Variants in PRKCE observed in about 807,000 individuals in gnomAD.
The protein encoded by PRKCE is protein kinase C epsilon type.
In PRKCE, 16 loss-of-function variants were observed where a neutral mutation model predicts 85.4. That is an observed-to-expected ratio of 0.19 (90% CI 0.13 to 0.28). The LOEUF (loss-of-function observed/expected upper bound fraction) is 0.28, where lower values mean the gene tolerates loss of function less well. Among genes scored for constraint, PRKCE ranks in the 10% least tolerant of loss-of-function variants. The pLI is 1.00. For synonymous variants in PRKCE, 388 were observed against 371.5 expected, an observed-to-expected ratio of 1.04 and a Z score of -0.51; for missense variants, 573 against 975.2, an observed-to-expected ratio of 0.59 and a Z score of 5.49.
intron 5 of PRKCE, among the ~76,000 whole-genome samples, chr2:45,981,386 G>C (rs1702878926): frequency 6.6e-6 from 1 of 152,186 alleles, no homozygotes; most frequent in Admixed American, 6.5e-5. Flanking sequence ...ACTTCCAAGA[G>C]GACTGACTTA....
At chr2:46,178,432 T>A (rs1176482057) in intron 14 of PRKCE, among the ~76,000 whole-genome samples, 1 of 152,338 alleles carries the variant, frequency 6.6e-6, no homozygotes, top group East Asian at 1.9e-4. Context: ...CAGATGATTA[T>A]GTTTAGAGAA....
At chr2:45,965,102 G>T (rs752061027) in intron 2 of PRKCE, among the ~76,000 whole-genome samples, 2 of 152,196 alleles carry the variant, frequency 1.3e-5, no homozygotes, top group Non-Finnish European at 2.9e-5. Context: ...AGACGTTTCT[G>T]ATTCTTATTG....
chr2:45,715,892 T>C (rs1244416412), intron 1 of PRKCE, among the ~76,000 whole-genome samples: 1 of 152,172 alleles, frequency 6.6e-6, no homozygotes, highest in African/African-American at 2.4e-5. Flanking sequence ...TTCCCTTTTC[T>C]GCACTCCCCC....
chr2:46,082,378 GGAGA>G (rs1027222766), intron 10 of PRKCE, among the ~76,000 whole-genome samples: 9 of 152,158 alleles, frequency 5.9e-5, no homozygotes, highest in African/African-American at 1.7e-4. Context: ...GAGGGCTGAG[GGAGA>G]GAGAGGTATT....
At chr2:45,890,162 A>G (rs1695615262) in intron 2 of PRKCE, among the ~76,000 whole-genome samples, 1 of 152,166 alleles carries the variant, frequency 6.6e-6, no homozygotes, top group Non-Finnish European at 1.5e-5. Flanking sequence ...TTATGATTTA[A>G]TCTTTTCAAG....
chr2:45,838,763 C>CCT (rs1211859596), intron 1 of PRKCE, among the ~76,000 whole-genome samples: 1 of 152,166 alleles, frequency 6.6e-6, no homozygotes, highest in Non-Finnish European at 1.5e-5. Flanking sequence ...CAGCTGCCTG[C>CCT]CACCACACCT....
chr2:45,885,731 C>G (rs2105842440), intron 2 of PRKCE, among the ~76,000 whole-genome samples: 1 of 152,180 alleles, frequency 6.6e-6, no homozygotes, highest in South Asian at 2.1e-4. Flanking sequence ...TAGGGCAACT[C>G]CTATGATTTC....
At chr2:45,982,861 A>T (rs1309019823) in intron 5 of PRKCE, among the ~76,000 whole-genome samples, 2 of 152,194 alleles carry the variant, frequency 1.3e-5, no homozygotes, top group East Asian at 3.9e-4. Flanking sequence ...CAACGTCCCC[A>T]CTTTTTCGCC....
At chr2:45,951,385 C>T (rs1157517497) in intron 2 of PRKCE, among the ~76,000 whole-genome samples, 1 of 152,222 alleles carries the variant, frequency 6.6e-6, no homozygotes, top group East Asian at 1.9e-4. Flanking sequence ...GTAGGTCCCT[C>T]TGTCTTGCAA....
chr2:45,853,242 T>C (rs555394678), intron 2 of PRKCE, among the ~76,000 whole-genome samples: 1 of 152,266 alleles, frequency 6.6e-6, no homozygotes, highest in Non-Finnish European at 1.5e-5. Context: ...GGCCTTGGTT[T>C]TTTCATTCTG....
At chr2:45,689,059 G>A (rs1443805801) in intron 1 of PRKCE, among the ~76,000 whole-genome samples, 1 of 152,192 alleles carries the variant, frequency 6.6e-6, no homozygotes, top group Non-Finnish European at 1.5e-5. Context: ...GCTGTGGGGC[G>A]TGCTTTGTTT....
intron 10 of PRKCE, among the ~76,000 whole-genome samples, chr2:46,037,956 A>G (rs1432591738): frequency 6.6e-6 from 1 of 152,206 alleles, no homozygotes; most frequent in Admixed American, 6.5e-5. Flanking sequence ...TAAAAAATAA[A>G]TGAGGATAAG....
At chr2:45,805,512 A>G (rs573996251) in intron 1 of PRKCE, among the ~76,000 whole-genome samples, 2 of 152,180 alleles carry the variant, frequency 1.3e-5, no homozygotes, top group East Asian at 3.9e-4. Flanking sequence ...TGGGTCCTAC[A>G]GTGCACACCC....
intron 2 of PRKCE, among the ~76,000 whole-genome samples, chr2:45,894,935 C>T (rs1696020929): frequency 6.6e-6 from 1 of 152,162 alleles, no homozygotes; most frequent in African/African-American, 2.4e-5. Flanking sequence ...GTTGGCCAGG[C>T]TGGTCTCAAA....
chr2:45,849,603 G>A (rs1009493434), intron 2 of PRKCE, among the ~76,000 whole-genome samples: 5 of 152,146 alleles, frequency 3.3e-5, no homozygotes, highest in African/African-American at 1.2e-4. Flanking sequence ...GTGCTGATCA[G>A]GCTCCCTCAC....
intron 2 of PRKCE, among the ~76,000 whole-genome samples, chr2:45,859,706 T>C (rs1447907905): frequency 6.6e-6 from 1 of 152,218 alleles, no homozygotes; most frequent in Non-Finnish European, 1.5e-5. Context: ...CCCTCATTTG[T>C]AGATAATCTT....
intron 1 of PRKCE, among the ~76,000 whole-genome samples, chr2:45,719,462 A>C (rs1327754312): frequency 1.3e-5 from 2 of 152,180 alleles, no homozygotes; most frequent in Admixed American, 1.3e-4. Context: ...TGTCCTGTGG[A>C]CCACGGGAAG....
chr2:45,753,677 T>C (rs1683770041), intron 1 of PRKCE, among the ~76,000 whole-genome samples: 1 of 152,184 alleles, frequency 6.6e-6, no homozygotes, highest in Non-Finnish European at 1.5e-5. Context: ...AAACCTTTCT[T>C]ATTAAAATGT....
intron 10 of PRKCE, among the ~76,000 whole-genome samples, chr2:46,063,731 C>T (rs758319925): frequency 3.9e-5 from 6 of 152,186 alleles, no homozygotes; most frequent in Non-Finnish European, 8.8e-5. Flanking sequence ...CTAGACCAAT[C>T]GCCACTTCCT....
Sources: allele counts gnomAD v4.1 joint callset (sites outside exome capture counted in the v4.1 genomes callset), GRCh38; gene constraint gnomAD v4.1.1; transcripts MANE v1.5; gene names NCBI Gene and HGNC (gene_info 2026-07-23, HGNC 2026-07-21).